The following ADAMTSL3 variants were observed in gnomAD, a reference collection of about 807,000 sequenced individuals.
The protein encoded by ADAMTSL3 is ADAMTS-like protein 3.
ADAMTSL3 carries 128 observed loss-of-function variants against 201.7 expected under a neutral mutation model. The ratio of observed to expected loss-of-function variants is 0.63; its 90% CI spans 0.55 to 0.73. The LOEUF (loss-of-function observed/expected upper bound fraction) is 0.73. Ranked by LOEUF, ADAMTSL3 falls within the 30% of genes least tolerant of loss-of-function variation. The pLI, the probability that ADAMTSL3 is intolerant of heterozygous loss-of-function variation, is 0.00. For synonymous variants in ADAMTSL3, 738 were observed against 748.4 expected (o/e 0.99, Z 0.23); for missense variants, 1,990 against 2,119.6 (o/e 0.94, Z 1.20).
chr15:83,899,572 C>G, intron 14 of ADAMTSL3, 75 bp from the exon 15 acceptor site: 1 of 1,411,016 alleles, frequency 7.1e-7, no homozygotes. Flanking sequence ...AAATCTTCAG[C>G]CAATATGATC....
intron 3 of ADAMTSL3, among the ~76,000 whole-genome samples, chr15:83,762,937 A>C (rs948680894): frequency 6.6e-6 from 1 of 151,228 alleles, no homozygotes; most frequent in Non-Finnish European, 1.5e-5. Flanking sequence ...CCCAGGCTGG[A>C]GTGCAGTGAT....
intron 3 of ADAMTSL3, among the ~76,000 whole-genome samples, chr15:83,755,495 A>G (rs1040419675): frequency 6.6e-6 from 1 of 152,206 alleles, no homozygotes. Flanking sequence ...TAGGCACTTC[A>G]TAAGTGGAAT....
chr15:83,776,730 T>A (rs1459511645), intron 4 of ADAMTSL3, among the ~76,000 whole-genome samples: 1 of 151,456 alleles, frequency 6.6e-6, no homozygotes, highest in Non-Finnish European at 1.5e-5. Context: ...AAAAAAAAAA[T>A]TGTGTTAAGA....
chr15:83,716,260 T>G (rs1192335508), intron 3 of ADAMTSL3, among the ~76,000 whole-genome samples: 1 of 152,196 alleles, frequency 6.6e-6, no homozygotes, highest in African/African-American at 2.4e-5. Context: ...CTCAGCACTT[T>G]GGGAGGCCAA....
At chr15:83,766,329 C>CTGTATATGTAT in intron 3 of ADAMTSL3, among the ~76,000 whole-genome samples, 1 of 152,184 alleles carries the variant, frequency 6.6e-6, no homozygotes, top group Non-Finnish European at 1.5e-5. Context: ...TTGAACTTAG[C>CTGTATATGTAT]AAGCTCTTGG....
intron 15 of ADAMTSL3, among the ~76,000 whole-genome samples, chr15:83,907,714 C>G (rs1334147554): frequency 6.6e-6 from 1 of 152,128 alleles, no homozygotes; most frequent in Admixed American, 6.6e-5. Context: ...AGATTTCATT[C>G]TTTTTAATGG....
intron 6 of ADAMTSL3, among the ~76,000 whole-genome samples, chr15:83,826,915 G>A (rs933258802): frequency 3.9e-5 from 6 of 152,056 alleles, no homozygotes; most frequent in African/African-American, 1.4e-4. Context: ...TATCATTGAT[G>A]GACATTTGGG....
At chr15:83,955,175 T>C (rs2066835920) in intron 19 of ADAMTSL3, among the ~76,000 whole-genome samples, 2 of 152,188 alleles carry the variant, frequency 1.3e-5, no homozygotes, top group Non-Finnish European at 1.5e-5. Flanking sequence ...GTCAAAAACC[T>C]TAGAAATCTA....
At chr15:83,888,182 T>G (rs1203027405) in intron 10 of ADAMTSL3, among the ~76,000 whole-genome samples, 1 of 152,124 alleles carries the variant, frequency 6.6e-6, no homozygotes, top group Non-Finnish European at 1.5e-5. Context: ...AGAAGGGAGA[T>G]TTTAGGCTGC....
chr15:83,742,408 C>G (rs1036360511), intron 3 of ADAMTSL3, among the ~76,000 whole-genome samples: 1 of 151,830 alleles, frequency 6.6e-6, no homozygotes, highest in Admixed American at 6.6e-5. Context: ...CAACTTATGA[C>G]AGTAGAAAAA....
intron 3 of ADAMTSL3, among the ~76,000 whole-genome samples, chr15:83,769,402 G>T (rs1218601917): frequency 6.6e-6 from 1 of 152,152 alleles, no homozygotes; most frequent in East Asian, 1.9e-4. Flanking sequence ...TGTATCTTTT[G>T]TGAATTAAAA....
chr15:83,780,546 C>T (rs1310680524), intron 4 of ADAMTSL3, among the ~76,000 whole-genome samples: 2 of 152,054 alleles, frequency 1.3e-5, no homozygotes, highest in African/African-American at 4.8e-5. Flanking sequence ...CCCTTGAATA[C>T]CAGCACAAGA....
intron 24 of ADAMTSL3, among the ~76,000 whole-genome samples, 171 bp from the exon 25 acceptor site, chr15:84,016,212 G>A (rs996639235): frequency 2.0e-5 from 3 of 152,112 alleles, no homozygotes; most frequent in East Asian, 1.9e-4. Flanking sequence ...CACCCCACAC[G>A]TCCATACTTA....
chr15:83,762,616 C>G (rs1373183886), intron 3 of ADAMTSL3, among the ~76,000 whole-genome samples: 1 of 152,112 alleles, frequency 6.6e-6, no homozygotes, highest in Admixed American at 6.5e-5. Flanking sequence ...CTAACTCTCT[C>G]AAGCTCCTTA....
intron 2 of ADAMTSL3, among the ~76,000 whole-genome samples, chr15:83,683,838 C>G (rs1016601653): frequency 6.6e-6 from 1 of 152,160 alleles, no homozygotes; most frequent in Non-Finnish European, 1.5e-5. Flanking sequence ...ATAGGAGCTG[C>G]TATTGTTTTC....
intron 2 of ADAMTSL3, among the ~76,000 whole-genome samples, chr15:83,658,317 C>T (rs2061119462): frequency 6.6e-6 from 1 of 152,172 alleles, no homozygotes; most frequent in Admixed American, 6.5e-5. Context: ...CCATGTTGGC[C>T]AGGCTGGTCT....
At chr15:83,779,079 A>G (rs1328890573) in intron 4 of ADAMTSL3, among the ~76,000 whole-genome samples, 1 of 152,224 alleles carries the variant, frequency 6.6e-6, no homozygotes. Flanking sequence ...CTAAATATAT[A>G]TGCACCCAAC....
chr15:83,791,440 A>G lies in ADAMTSL3; in HGVS notation c.318-13210A>G, dbSNP rs184036559. 3.2e-3 allele frequency among the ~76,000 whole-genome samples: 494 copies of G among 152,342 alleles called. 3 individuals are homozygous for G. Among genetic ancestry groups the G allele is most frequent in the African/African-American group, 0.011 (467 of 41,574 alleles). ...CTCTGAAATAAGTCCACACATTTAC[A>G]GCCAACTGATTTTTTACAAAGGTGT... On this transcript the variant is annotated intron_variant, in intron 4 of 29. Coordinates refer to ENST00000286744, the MANE Select transcript of ADAMTSL3 (RefSeq NM_207517.3).
At chr15:83,792,436 C>T (rs957646968) in intron 4 of ADAMTSL3, among the ~76,000 whole-genome samples, 2 of 152,052 alleles carry the variant, frequency 1.3e-5, no homozygotes, top group African/African-American at 4.8e-5. Flanking sequence ...ACCCTGTTGG[C>T]GAGAATGTAA....
Sources: gnomAD v4.1 joint callset for allele counts (sites outside exome capture counted in the v4.1 genomes callset) on GRCh38, gnomAD v4.1.1 for gene constraint, MANE v1.5 for transcripts, NCBI Gene and HGNC (gene_info 2026-07-23, HGNC 2026-07-21) for gene names.